TRAF1: variants seen among roughly 807,000 people sequenced by gnomAD.
TRAF1 encodes the protein TNF receptor-associated factor 1.
Under a neutral mutation model 40.9 loss-of-function variants are expected in TRAF1, and 23 were observed. That is an observed-to-expected ratio of 0.56 (90% CI 0.40 to 0.80). The LOEUF is 0.80. Ranked by LOEUF, TRAF1 falls within the 30% of genes least tolerant of loss-of-function variation. TRAF1 has a pLI of 0.00. For missense variants in TRAF1, 477 were observed against 528.7 expected, an observed-to-expected ratio of 0.90 and a Z score of 0.96; for synonymous variants, 206 against 218.8, an observed-to-expected ratio of 0.94 and a Z score of 0.52.
chr9:120,914,434 T>G, intron 3 of TRAF1, 134 bp from the exon 4 acceptor site: 1 of 1,241,632 alleles, frequency 8.1e-7, no homozygotes. Context: ...CTGTTCCCTT[T>G]GGCTATCTCC....
At chr9:120,924,575 C>T (rs2046626376) in intron 2 of TRAF1, among the ~76,000 whole-genome samples, 1 of 152,134 alleles carries the variant, frequency 6.6e-6, no homozygotes, top group South Asian at 2.1e-4. Context: ...CCACCACACC[C>T]AGCTAATTCT....
At chr9:120,909,659 C>T (rs1199143511) in intron 6 of TRAF1, among the ~76,000 whole-genome samples, 2 of 152,226 alleles carry the variant, frequency 1.3e-5, no homozygotes, top group African/African-American at 2.4e-5. Context: ...GTTGGCACTT[C>T]CAGCAAGTTT....
At chr9:120,921,835 G>A (rs114829102) in intron 3 of TRAF1, among the ~76,000 whole-genome samples, 503 of 152,342 alleles carry the variant, frequency 3.3e-3, no homozygotes, top group African/African-American at 0.011. Context: ...GACCAGCTCA[G>A]AGAAAGGAGA....
chr9:120,905,339 G>T, intron 7 of TRAF1, 101 bp from the exon 8 acceptor site: 1 of 1,254,594 alleles, frequency 8.0e-7, no homozygotes, highest in Non-Finnish European at 1.1e-6. Context: ...TACTGCCTGT[G>T]CAGCCCCTCA....
At chr9:120,908,839 C>A (rs1437773436) in intron 7 of TRAF1, among the ~76,000 whole-genome samples, 2 of 152,160 alleles carry the variant, frequency 1.3e-5, no homozygotes, top group African/African-American at 4.8e-5. Context: ...AGATTACAGG[C>A]TTGAGCCACC....
At position 120,925,842 on chromosome 9, in the gene TRAF1, C is replaced by T. The variant is rs1156758892; in HGVS notation, c.140+94G>A. ...AGGCCCAGAGAAGAAAAGTCACCGCCTGAAGTCACAGGCTCCTCTGCCCCT... is the reference window on the plus strand; with the variant it reads ...AGGCCCAGAGAAGAAAAGTCACCGCTTGAAGTCACAGGCTCCTCTGCCCCT... On this transcript the variant is annotated intron_variant, in intron 2 of 7. Coordinates refer to ENST00000373887, the MANE Select transcript of TRAF1 (RefSeq NM_005658.5). 5 of 1,565,730 alleles carry T rather than the reference C, an allele frequency of 3.2e-6. No individual in the cohort carries two copies. In the East Asian group the frequency reaches 6.8e-5, roughly 21 times the overall value.
intron 7 of TRAF1, among the ~76,000 whole-genome samples, chr9:120,907,415 G>T (rs2046491391): frequency 6.6e-6 from 1 of 152,178 alleles, no homozygotes; most frequent in Non-Finnish European, 1.5e-5. Flanking sequence ...GACTAAAGCT[G>T]CTATAGACAT....
upstream of TRAF1, chr9:120,928,740 G>C (rs890900627): frequency 4.6e-5 from 7 of 152,230 alleles, no homozygotes; most frequent in African/African-American, 1.7e-4. Context: ...GATTCCTCGC[G>C]CCTGCCGGCG....
At chr9:120,906,499 A>AT (rs1564116409) in intron 7 of TRAF1, among the ~76,000 whole-genome samples, 1 of 152,076 alleles carries the variant, frequency 6.6e-6, no homozygotes, top group African/African-American at 2.4e-5. Flanking sequence ...AATAGATTGT[A>AT]TTTTTTAGAG....
chr9:120,917,644 G>C (rs1301340135), intron 3 of TRAF1, among the ~76,000 whole-genome samples: 1 of 152,184 alleles, frequency 6.6e-6, no homozygotes, highest in Non-Finnish European at 1.5e-5. Flanking sequence ...CCCAAGGGGA[G>C]GATGGCTTCC....
chr9:120,905,269 C>T lies in TRAF1; in HGVS notation c.1033-31G>A, dbSNP rs368997058. The T allele has an allele frequency of 6.1e-5, 96 of 1,574,490 alleles. 1 individual carries two copies. In the East Asian group the frequency reaches 9.6e-4, roughly 16 times the overall value. Reference sequence around the variant, plus strand: ...GGGAAGGGATAGGTGGGAGATCAGGCCCTACAGCAGCAGCGCAGCTTGGAG... The same window carrying T: ...GGGAAGGGATAGGTGGGAGATCAGGTCCTACAGCAGCAGCGCAGCTTGGAG... On this transcript the variant is annotated intron_variant, in intron 7 of 7. Transcript: ENST00000373887.
upstream of TRAF1, chr9:120,927,142 G>A (rs2046646676): frequency 6.6e-6 from 1 of 152,242 alleles, no homozygotes; most frequent in Non-Finnish European, 1.5e-5. Flanking sequence ...ACAGCCTCTG[G>A]TAGTGGAGTG....
chr9:120,904,427 G>C lies in TRAF1; in HGVS notation c.*593C>G, dbSNP rs1391767594. On this transcript the variant is annotated 3_prime_UTR_variant, in exon 8 of 8. Coordinates refer to ENST00000373887, the MANE Select transcript of TRAF1 (RefSeq NM_005658.5). The stretch of plus-strand genomic sequence containing the variant: ...ACCTGGGCCAGGAGGCCTAGAATGA[G>C]AGACTTTCTGGGCTGGAAGGAAACT... 1.9e-5 allele frequency: 3 copies of C among 154,260 alleles called. No individual in the cohort carries two copies. Among genetic ancestry groups the C allele is most frequent in the African/African-American group, 7.2e-5 (3 of 41,458 alleles). 9.6% of individuals were successfully genotyped at this position (154,260 alleles called of 1,614,324 possible).
At chr9:120,925,841 C>T in intron 2 of TRAF1, 95 bp downstream of exon 2, 1 of 1,561,682 alleles carries the variant, frequency 6.4e-7, no homozygotes. Flanking sequence ...AAAGTCACCG[C>T]CTGAAGTCAC....
chr9:120,927,592 T>G (rs2046649226), upstream of TRAF1: 1 of 152,158 alleles, frequency 6.6e-6, no homozygotes. Flanking sequence ...ATTAAAGTGG[T>G]GCATTATGCT....
intron 6 of TRAF1, 23 bp from the exon 7 acceptor site, chr9:120,909,401 A>G: frequency 6.2e-7 from 1 of 1,610,078 alleles, no homozygotes; most frequent in Non-Finnish European, 8.5e-7. Flanking sequence ...AGCCAGAGGC[A>G]GTTGGGAAGT....
intron 6 of TRAF1, among the ~76,000 whole-genome samples, chr9:120,910,682 C>T (rs1364599890): frequency 6.6e-6 from 1 of 152,190 alleles, no homozygotes; most frequent in African/African-American, 2.4e-5. Context: ...TAGACATGAG[C>T]CACTGCACGC....
At chr9:120,909,413 C>T (rs1251513748) in intron 6 of TRAF1, 35 bp from the exon 7 acceptor site, 1 of 1,604,374 alleles carries the variant, frequency 6.2e-7, no homozygotes, top group Non-Finnish European at 8.5e-7. Context: ...TTGGGAAGTG[C>T]TGGACTTTGC....
intron 3 of TRAF1, among the ~76,000 whole-genome samples, chr9:120,921,028 C>T (rs2046601203): frequency 6.6e-6 from 1 of 152,088 alleles, no homozygotes; most frequent in Non-Finnish European, 1.5e-5. Flanking sequence ...GACTTACCGC[C>T]CCTCCCCACC....
Sources: gnomAD v4.1 joint callset for allele counts (sites outside exome capture counted in the v4.1 genomes callset) on GRCh38, gnomAD v4.1.1 for gene constraint, MANE v1.5 for transcripts, NCBI Gene and HGNC (gene_info 2026-07-23, HGNC 2026-07-21) for gene names.